AKAP19: variants seen among roughly 807,000 people sequenced by gnomAD.
The protein encoded by AKAP19 is A-kinase anchoring protein 19.
chr2:189,907,991 CA>C, the AKAP19 span, among the ~76,000 whole-genome samples: 10 of 151,724 alleles, frequency 6.6e-5, no homozygotes, highest in South Asian at 1.9e-3. Flanking sequence ...CTTATTTTGT[CA>C]AAAAAATCGT....
chr2:189,894,998 T>C, the AKAP19 span, among the ~76,000 whole-genome samples: 4 of 151,698 alleles, frequency 2.6e-5, no homozygotes, highest in Non-Finnish European at 5.9e-5. Flanking sequence ...TTCTCAGTAC[T>C]GAATTCTAGA....
the AKAP19 span, among the ~76,000 whole-genome samples, chr2:189,994,254 C>T: frequency 6.6e-6 from 1 of 151,988 alleles, no homozygotes; most frequent in African/African-American, 2.4e-5. Context: ...TCAGGTGATC[C>T]ACCTCCCTCG....
At chr2:189,928,848 G>A in the AKAP19 span, among the ~76,000 whole-genome samples, 11 of 152,068 alleles carry the variant, frequency 7.2e-5, no homozygotes, top group African/African-American at 2.2e-4. Flanking sequence ...TGATTTCTTT[G>A]TTAGGTTGAG....
At chr2:190,065,522 G>A in the AKAP19 span, among the ~76,000 whole-genome samples, 3 of 152,182 alleles carry the variant, frequency 2.0e-5, no homozygotes, top group Non-Finnish European at 4.4e-5. Flanking sequence ...AAAAATGCAT[G>A]TGCTAGATAA....
chr2:190,159,781 T>A, the AKAP19 span, among the ~76,000 whole-genome samples: 1 of 152,206 alleles, frequency 6.6e-6, no homozygotes, highest in African/African-American at 2.4e-5. Flanking sequence ...TGGAAGCCAA[T>A]GAAGAAAGTA....
the AKAP19 span, among the ~76,000 whole-genome samples, chr2:190,184,005 A>C: frequency 1.3e-5 from 2 of 152,086 alleles, no homozygotes; most frequent in Non-Finnish European, 2.9e-5. Flanking sequence ...TAGTAAGTAT[A>C]CTATGCACAA....
chr2:189,916,413 C>G, the AKAP19 span, among the ~76,000 whole-genome samples: 5 of 151,486 alleles, frequency 3.3e-5, no homozygotes, highest in Admixed American at 3.3e-4. Flanking sequence ...CCTCCACCTC[C>G]CAGGTTCAAG....
the AKAP19 span, among the ~76,000 whole-genome samples, chr2:190,101,936 C>A: frequency 1.3e-5 from 2 of 152,110 alleles, no homozygotes; most frequent in Non-Finnish European, 2.9e-5. Context: ...CCAAGGTTGA[C>A]CACATGCTCT....
chr2:190,019,213 T>C, the AKAP19 span, among the ~76,000 whole-genome samples: 1 of 152,026 alleles, frequency 6.6e-6, no homozygotes, highest in Admixed American at 6.5e-5. Flanking sequence ...AACTCCCAGG[T>C]AGGGAAGGTC....
At chr2:190,189,375 T>C in the AKAP19 span, among the ~76,000 whole-genome samples, 2 of 152,322 alleles carry the variant, frequency 1.3e-5, no homozygotes, top group Non-Finnish European at 2.9e-5. Context: ...TTATTTGCCA[T>C]GTGAACTCTG....
chr2:190,010,894 T>C, the AKAP19 span, among the ~76,000 whole-genome samples: 1 of 152,064 alleles, frequency 6.6e-6, no homozygotes, highest in African/African-American at 2.4e-5. Flanking sequence ...TTGACCAACA[T>C]CTCAGTTTAT....
the AKAP19 span, among the ~76,000 whole-genome samples, chr2:190,053,821 C>T: frequency 0.093 from 14,062 of 151,924 alleles, 1,391 homozygotes; most frequent in African/African-American, 0.24. Flanking sequence ...CAAATAGAAA[C>T]TATTGAAATG....
At chr2:189,988,537 C>T in the AKAP19 span, among the ~76,000 whole-genome samples, 1 of 152,212 alleles carries the variant, frequency 6.6e-6, no homozygotes, top group Admixed American at 6.5e-5. Context: ...ATTGTTTCCT[C>T]ATATGAGAAG....
At chr2:189,901,801 T>G in the AKAP19 span, among the ~76,000 whole-genome samples, 1 of 152,212 alleles carries the variant, frequency 6.6e-6, no homozygotes. Flanking sequence ...TGCTAAATTA[T>G]TATGTACACT....
At chr2:189,918,933 A>G in the AKAP19 span, among the ~76,000 whole-genome samples, 2 of 152,252 alleles carry the variant, frequency 1.3e-5, no homozygotes, top group African/African-American at 2.4e-5. Context: ...TCCATTTACC[A>G]TAGTCCCCCC....
the AKAP19 span, chr2:190,062,078 A>C: frequency 3.6e-6 from 3 of 834,496 alleles, no homozygotes; most frequent in South Asian, 1.8e-5. Context: ...ATTCTCATGC[A>C]ATCTTGAAAA....
the AKAP19 span, chr2:190,202,077 T>C: frequency 1.3e-4 from 22 of 167,004 alleles, no homozygotes; most frequent in Non-Finnish European, 2.8e-4. Flanking sequence ...CAAGTGAGTT[T>C]TGGTTGTATC....
the AKAP19 span, among the ~76,000 whole-genome samples, chr2:189,937,710 A>G: frequency 2.0e-5 from 3 of 152,342 alleles, no homozygotes; most frequent in South Asian, 4.1e-4. Flanking sequence ...ACAACGAGAT[A>G]TCATCTCATG....
chr2:190,027,030 C>G, the AKAP19 span, among the ~76,000 whole-genome samples: 1 of 152,204 alleles, frequency 6.6e-6, no homozygotes, highest in Non-Finnish European at 1.5e-5. Context: ...AAACTCCAGT[C>G]TAATCCATGT....
Sources: allele counts gnomAD v4.1 joint callset (sites outside exome capture counted in the v4.1 genomes callset), GRCh38; gene constraint gnomAD v4.1.1; transcripts MANE v1.5; gene names NCBI Gene and HGNC (gene_info 2026-07-23, HGNC 2026-07-21).